FBN3: variants seen among roughly 807,000 people sequenced by gnomAD.
FBN3 encodes the protein fibrillin-3.
Under a neutral mutation model 330.1 loss-of-function variants are expected in FBN3, and 234 were observed. That is an observed-to-expected ratio of 0.71 (90% CI 0.64 to 0.79). The LOEUF (loss-of-function observed/expected upper bound fraction) is 0.79, where lower values mean the gene tolerates loss of function less well. Ranked by LOEUF, FBN3 falls within the 30% of genes least tolerant of loss-of-function variation. The pLI, the probability that FBN3 is intolerant of heterozygous loss-of-function variation, is 0.00. For synonymous variants in FBN3, 1,458 were observed against 1,517.3 expected, an observed-to-expected ratio of 0.96 and a Z score of 0.91; for missense variants, 3,606 against 3,886.9, an observed-to-expected ratio of 0.93 and a Z score of 1.92.
chr19:8,111,944 C>T, intron 31 of FBN3, 33 bp downstream of exon 31: 1 of 1,044,804 alleles, frequency 9.6e-7, no homozygotes, highest in Non-Finnish European at 1.4e-6. Flanking sequence ...ACCTCTACTG[C>T]TTTGCCCCCA....
chr19:8,124,019 G>C lies in FBN3; in HGVS notation c.2732-11C>G. On this transcript the variant is annotated splice_polypyrimidine_tract_variant and intron_variant, in intron 22 of 63. Transcript: ENST00000600128. ...GTTCCAATCTCACATCTGCACGGGGGACAGTCACTGCGTCCCCACCCCTGC... is the reference window on the plus strand; with the variant it reads ...GTTCCAATCTCACATCTGCACGGGGCACAGTCACTGCGTCCCCACCCCTGC... 1.2e-6 allele frequency: 2 copies of C among 1,606,352 alleles called. No individual in the cohort carries two copies. Among genetic ancestry groups the C allele is most frequent in the Non-Finnish European group, 1.7e-6 (2 of 1,175,306 alleles).
chr19:8,081,124 A>G lies in FBN3; in HGVS notation c.7337-5T>C. ...GGGAGGTGCATTCGTCCAGGTCTGCAGCACGGATGGTCCAGCAGGCTCAGG... is the reference window on the plus strand; with the variant it reads ...GGGAGGTGCATTCGTCCAGGTCTGCGGCACGGATGGTCCAGCAGGCTCAGG... On this transcript the variant is annotated splice_region_variant and splice_polypyrimidine_tract_variant and intron_variant, in intron 58 of 63. Coordinates refer to ENST00000600128, the MANE Select transcript of FBN3 (RefSeq NM_032447.5). The G allele has an allele frequency of 6.2e-7, 1 of 1,611,600 alleles. No individual in the cohort carries two copies. Among genetic ancestry groups the G allele is most frequent in the Non-Finnish European group, 8.5e-7 (1 of 1,178,116 alleles).
chr19:8,147,227 T>C, intron 2 of FBN3, 41 bp from the exon 3 acceptor site: 1 of 1,556,934 alleles, frequency 6.4e-7, no homozygotes, highest in Non-Finnish European at 8.7e-7. Context: ...CCCCTGCCCG[T>C]GTGGACATCC....
chr19:8,102,771 C>T lies in FBN3; in HGVS notation c.5042G>A (p.Gly1681Asp). Residue 1681 changes from glycine to aspartate, a missense_variant, in exon 40 of 64, where the codon GGC (glycine) becomes GAC (aspartate). Coordinates refer to ENST00000600128, the MANE Select transcript of FBN3 (RefSeq NM_032447.5). ...RKMCCCSYNI[G>D]QAWNRPCEAC... ...CTCACAGGGTCTATTCCAGGCCTGG[C>T]CAATGTTGTAGGAGCAGCAACACAT... 6.2e-7 allele frequency: 1 copy of T among 1,614,032 alleles called. No homozygotes were observed. Among genetic ancestry groups the T allele is most frequent in the Non-Finnish European group, 8.5e-7 (1 of 1,180,018 alleles).
At chr19:8,111,328 G>T in intron 32 of FBN3, 145 bp from the exon 33 acceptor site, 1 of 1,074,590 alleles carries the variant, frequency 9.3e-7, no homozygotes, top group Non-Finnish European at 1.3e-6. Flanking sequence ...CTGACTTGGG[G>T]GTGGGAGGCG....
rs1165828547 is a variant in FBN3 at position 8,131,808 on chromosome 19, G to A, written c.1736C>T (p.Pro579Leu). The change falls in exon 15 of 64, where the codon CCC becomes CTC. Residue 579 changes from proline to leucine, a missense_variant. By Grantham distance (98) the Pro-to-Leu change is moderately conservative. Transcript: ENST00000600128. This position sits in a 1 kb window ranked among gnomAD's most constrained non-coding sequence, Gnocchi z 4.5. ...YCMDIDECQT[P>L]GICVNGHCTN... ...ACAGTGGCCGTTCACGCAGATGCCG[G>A]GCGTCTGGCACTCGTCAATGTCTGC... The A allele has an allele frequency of 5.0e-6, 8 of 1,600,484 alleles. No individual in the cohort carries two copies. The African/African-American group carries it at 9.4e-5, about 19-fold the overall frequency.
intron 59 of FBN3, among the ~76,000 whole-genome samples, chr19:8,078,928 G>C (rs2081708932): frequency 6.6e-6 from 1 of 151,700 alleles, no homozygotes; most frequent in Non-Finnish European, 1.5e-5. Flanking sequence ...ACTACAGGCA[G>C]GTGTCACCAC....
chr19:8,107,504 A>AATGG (rs2082470583), intron 37 of FBN3, among the ~76,000 whole-genome samples: 1 of 115,782 alleles, frequency 8.6e-6, no homozygotes, highest in Non-Finnish European at 1.9e-5. Flanking sequence ...TGGATGGATG[A>AATGG]ATGGATGGAA....
rs2082591582 is a variant in FBN3, at chr19:8,111,786, C to A, written c.3962-16G>T. The A allele has an allele frequency of 1.2e-6, 2 of 1,610,236 alleles. No individual in the cohort carries two copies. The highest frequency in any genetic ancestry group is 2.2e-5 in the South Asian group (2 of 90,812). On this transcript the variant is annotated splice_polypyrimidine_tract_variant and intron_variant, in intron 31 of 63. Transcript: ENST00000600128. The stretch of plus-strand genomic sequence containing the variant: ...TCATCCAGGTCTGCAGGAGATGGAG[C>A]CCAGACCCCCCACCCCATGGTGTGT...
At chr19:8,127,003 T>C (rs2083006155) in intron 18 of FBN3, among the ~76,000 whole-genome samples, 171 bp from the exon 19 acceptor site, 1 of 148,406 alleles carries the variant, frequency 6.7e-6, no homozygotes, top group African/African-American at 2.4e-5. Flanking sequence ...ATGTGTGTGC[T>C]GAGCTGTGTG....
intron 26 of FBN3, 55 bp downstream of exon 26, chr19:8,118,841 TC>T: frequency 6.4e-7 from 1 of 1,570,832 alleles, no homozygotes. Context: ...AGACATCCAC[TC>T]ACTTTCACAC....
At position 8,138,828 on chromosome 19, in the gene FBN3, C is replaced by G. The variant is rs111330842; in HGVS notation, c.866-264G>C. Reference sequence around the variant, plus strand: ...TTGGGAGGCTGGGGCGGGAGGATCTCTTAAGGTCAGGAGTGCAAGACCAGC... The same window carrying G: ...TTGGGAGGCTGGGGCGGGAGGATCTGTTAAGGTCAGGAGTGCAAGACCAGC... On this transcript the variant is annotated intron_variant, in intron 8 of 63. Coordinates refer to ENST00000600128, the MANE Select transcript of FBN3 (RefSeq NM_032447.5). 0.075 allele frequency among the ~76,000 whole-genome samples: 11,388 copies of G among 151,860 alleles called. 512 individuals are homozygous for G. The highest frequency in any genetic ancestry group is 0.11 in the Non-Finnish European group (7,205 of 67,948).
At chr19:8,088,029 C>T (rs374029122) in intron 52 of FBN3, 31 bp downstream of exon 52, 22 of 1,613,994 alleles carry the variant, frequency 1.4e-5, no homozygotes, top group East Asian at 2.2e-5. Context: ...CTCCGTCACA[C>T]GGCCCAGGTC....
chr19:8,093,782 CAAACA>C (rs1249184844), intron 47 of FBN3, among the ~76,000 whole-genome samples: 2 of 132,468 alleles, frequency 1.5e-5, no homozygotes, highest in Non-Finnish European at 3.3e-5. Context: ...AACAAACAAA[CAAACA>C]AAACAAAACA....
chr19:8,116,072 C>T (rs1057052622), intron 29 of FBN3, among the ~76,000 whole-genome samples: 2 of 152,110 alleles, frequency 1.3e-5, no homozygotes, highest in African/African-American at 4.8e-5. Context: ...GAAGCACTTG[C>T]TCTCTGAGAC....
intron 56 of FBN3, 25 bp from the exon 57 acceptor site, chr19:8,083,397 G>GGGCT: frequency 6.2e-7 from 1 of 1,612,650 alleles, no homozygotes; most frequent in Non-Finnish European, 8.5e-7. Flanking sequence ...GGTGCAAATG[G>GGGCT]GGCTGGCTGG....
chr19:8,102,727 T>C lies in FBN3; in HGVS notation c.5086A>G (p.Ser1696Gly). ...AAGGTTGGGGAGGGTTACTCACGAC[T>C]GATGGGAGTGGGGCAGGCCTCACAG... ...RPCEACPTPI[S>G]PDYQILCGNQ... Residue 1696 changes from serine (S) to glycine (G), a missense_variant, in exon 40 of 64, where the codon AGT becomes GGT. Physicochemically the swap from Ser to Gly is moderately conservative, Grantham distance 56 (BLOSUM62 0). Coordinates refer to ENST00000600128, the MANE Select transcript of FBN3 (RefSeq NM_032447.5). The C allele has an allele frequency of 2.5e-6, 4 of 1,612,294 alleles. No individual in the cohort carries two copies. The highest frequency in any genetic ancestry group is 3.4e-6 in the Non-Finnish European group (4 of 1,178,912).
chr19:8,135,936 G>GGGGGGGGGGGGGGGCGCCCCCCC, intron 13 of FBN3, 25 bp downstream of exon 13: 2 of 668,770 alleles, frequency 3.0e-6, no homozygotes, highest in Non-Finnish European at 4.8e-6. Flanking sequence ...GGAAGCCCCT[G>GGGGGGGGGGGGGGGCGCCCCCCC]CCCACCCGCC....
intron 63 of FBN3, among the ~76,000 whole-genome samples, chr19:8,068,763 G>T (rs1386757620): frequency 2.6e-5 from 4 of 151,984 alleles, no homozygotes; most frequent in Non-Finnish European, 4.4e-5. Context: ...GGAAAATACT[G>T]CTTCCCTTGG....
Sources: gnomAD v4.1 joint callset for allele counts (sites outside exome capture counted in the v4.1 genomes callset) on GRCh38, gnomAD v4.1.1 for gene constraint, Gnocchi (gnomAD v3.1) non-coding constraint, MANE v1.5 for transcripts, NCBI Gene and HGNC (gene_info 2026-07-23, HGNC 2026-07-21) for gene names.